SLC14A2: variants seen among roughly 807,000 people sequenced by gnomAD.
The protein encoded by SLC14A2 is urea transporter 2.
SLC14A2 carries 91 observed loss-of-function variants against 104.6 expected under a neutral mutation model. That is an observed-to-expected ratio of 0.87 (90% CI 0.73 to 1.04). The LOEUF (loss-of-function observed/expected upper bound fraction) is 1.04, where lower values mean the gene tolerates loss of function less well. SLC14A2 is among the 50% of genes least tolerant of loss of function. SLC14A2 has a pLI of 0.00. For missense variants in SLC14A2, 1,189 were observed against 1,156.0 expected (o/e 1.03, Z -0.41); for synonymous variants, 476 against 466.4 (o/e 1.02, Z -0.27).
chr18:45,325,991 A>G (rs953959917), intron 1 of SLC14A2, among the ~76,000 whole-genome samples: 2 of 152,188 alleles, frequency 1.3e-5, no homozygotes, highest in African/African-American at 4.8e-5. Flanking sequence ...ACTGCTCTAC[A>G]TTCAGGCTGA....
chr18:45,197,752 G>A, the SLC14A2 span, among the ~76,000 whole-genome samples: 2 of 152,192 alleles, frequency 1.3e-5, no homozygotes, highest in Non-Finnish European at 2.9e-5. Context: ...TGCTTGAAGT[G>A]TGACCATTCA....
At chr18:45,476,787 G>C (rs1177706368) in intron 1 of SLC14A2, among the ~76,000 whole-genome samples, 1 of 146,338 alleles carries the variant, frequency 6.8e-6, no homozygotes, top group Non-Finnish European at 1.5e-5. Flanking sequence ...ATTGATACTT[G>C]TGTATGCTTC....
the SLC14A2 span, among the ~76,000 whole-genome samples, chr18:45,198,485 T>C: frequency 1.3e-5 from 2 of 152,156 alleles, no homozygotes; most frequent in Non-Finnish European, 2.9e-5. Context: ...ATCGATGCTA[T>C]ATACAAAGTC....
At chr18:45,414,642 G>A (rs185152304) in intron 1 of SLC14A2, among the ~76,000 whole-genome samples, 34 of 150,126 alleles carry the variant, frequency 2.3e-4, no homozygotes, top group African/African-American at 8.1e-4. Flanking sequence ...CACTTTTTCA[G>A]AGGAAAGTTA....
chr18:45,442,196 T>A (rs1401267978), intron 1 of SLC14A2, among the ~76,000 whole-genome samples: 2 of 152,186 alleles, frequency 1.3e-5, no homozygotes, highest in African/African-American at 2.4e-5. Context: ...GATGTGAGCC[T>A]CAGTTTCCTT....
Position 45,472,191 on chromosome 18 carries a change from C to T in SLC14A2, c.-124-11042C>T, listed in dbSNP as rs545468288. Reference sequence around the variant, plus strand: ...TGGTTTCCAGCTTCATCCATGTCCCCGCAAGGAACATGAACTCATTCTTTT... The same window carrying T: ...TGGTTTCCAGCTTCATCCATGTCCCTGCAAGGAACATGAACTCATTCTTTT... On this transcript the variant is annotated intron_variant, in intron 1 of 20. Transcript: ENST00000586448. 4.3e-4 allele frequency among the ~76,000 whole-genome samples: 65 copies of T among 150,950 alleles called. No individual in the cohort carries two copies. In the South Asian group the frequency reaches 6.8e-3, roughly 16 times the overall value.
chr18:45,368,509 C>T (rs1029320518), intron 1 of SLC14A2, among the ~76,000 whole-genome samples: 3 of 152,154 alleles, frequency 2.0e-5, no homozygotes, highest in Non-Finnish European at 2.9e-5. Context: ...TAAGGAAGAA[C>T]CCACACTTCC....
the SLC14A2 span, among the ~76,000 whole-genome samples, chr18:45,174,421 G>T: frequency 5.3e-3 from 813 of 152,056 alleles, 10 homozygotes; most frequent in African/African-American, 0.019. Flanking sequence ...GAGAATAATT[G>T]TTCTAGGGGG....
Position 45,624,679 on chromosome 18 carries a change from C to T in SLC14A2, c.15C>T (p.His5=). 1.2e-6 allele frequency: 2 copies of T among 1,612,220 alleles called. No homozygotes were observed. Among genetic ancestry groups the T allele is most frequent in the Non-Finnish European group, 1.7e-6 (2 of 1,179,172 alleles). The change falls in exon 2 of 20, where the codon CAC becomes CAT. Residue 5 remains histidine, a synonymous_variant. Coordinates refer to ENST00000255226, the MANE Select transcript of SLC14A2 (RefSeq NM_007163.4). ...GACCCGAAGGAATGTCTGACCCCCA[C>T]AGCAGTCCTCTCCTGCCAGAGCCAC... is the stretch of plus-strand genomic sequence containing the variant. The part of the protein sequence containing the change: MSDP[H]SSPLLPEPLS...
At chr18:45,583,543 G>A (rs934220370) in intron 2 of SLC14A2, among the ~76,000 whole-genome samples, 3 of 152,014 alleles carry the variant, frequency 2.0e-5, no homozygotes, top group Non-Finnish European at 4.4e-5. Context: ...CCGTATACAT[G>A]GTATTTATTC....
At chr18:45,543,217 G>A (rs1319423654) in intron 2 of SLC14A2, among the ~76,000 whole-genome samples, 2 of 151,950 alleles carry the variant, frequency 1.3e-5, no homozygotes, top group Non-Finnish European at 2.9e-5. Flanking sequence ...CAAAGTGCTG[G>A]GATTACAGGC....
chr18:45,410,774 C>T (rs1410876101), intron 1 of SLC14A2, among the ~76,000 whole-genome samples: 1 of 152,196 alleles, frequency 6.6e-6, no homozygotes, highest in African/African-American at 2.4e-5. Context: ...GTGCACATTT[C>T]CAGCTGAGAT....
At chr18:45,595,342 G>A (rs558903416) in intron 2 of SLC14A2, among the ~76,000 whole-genome samples, 5 of 151,622 alleles carry the variant, frequency 3.3e-5, no homozygotes, top group Non-Finnish European at 5.9e-5. Context: ...CAGTTTATAC[G>A]CAGTATCTCA....
At chr18:45,669,630 T>C (rs967121315) in intron 16 of SLC14A2, 132 bp downstream of exon 16, 2 of 724,120 alleles carry the variant, frequency 2.8e-6, no homozygotes, top group Admixed American at 3.0e-5. Context: ...ATTCTACATA[T>C]ATATCTCATG....
At chr18:45,669,567 C>A in intron 16 of SLC14A2, 69 bp downstream of exon 16, 2 of 1,306,570 alleles carry the variant, frequency 1.5e-6, no homozygotes, top group Non-Finnish European at 2.2e-6. Context: ...GCATATTTTG[C>A]ACATCAGAAA....
At chr18:45,670,124 CAAA>C (rs1172010440) in intron 16 of SLC14A2, among the ~76,000 whole-genome samples, 1 of 152,174 alleles carries the variant, frequency 6.6e-6, no homozygotes, top group Non-Finnish European at 1.5e-5. Flanking sequence ...AAAACAAAAA[CAAA>C]AACCCCAAAA....
the SLC14A2 span, among the ~76,000 whole-genome samples, chr18:45,175,425 A>T: frequency 6.6e-6 from 1 of 151,890 alleles, no homozygotes; most frequent in Non-Finnish European, 1.5e-5. Flanking sequence ...TTAAAAAAAA[A>T]TCCTCTGGAA....
intron 1 of SLC14A2, among the ~76,000 whole-genome samples, chr18:45,468,980 C>G (rs1186289006): frequency 6.6e-6 from 1 of 152,152 alleles, no homozygotes; most frequent in Non-Finnish European, 1.5e-5. Flanking sequence ...AAAAGCCAAG[C>G]TGAGGTGTTG....
intron 1 of SLC14A2, among the ~76,000 whole-genome samples, chr18:45,245,536 G>C (rs1381033757): frequency 6.6e-6 from 1 of 152,190 alleles, no homozygotes; most frequent in Non-Finnish European, 1.5e-5. Context: ...GGCCATTTGG[G>C]AATTTAGAAA....
Sources: allele counts gnomAD v4.1 joint callset (sites outside exome capture counted in the v4.1 genomes callset), GRCh38; gene constraint gnomAD v4.1.1; transcripts MANE v1.5; gene names NCBI Gene and HGNC (gene_info 2026-07-23, HGNC 2026-07-21).